Variants in CDH18 observed in about 807,000 individuals in gnomAD.
CDH18 encodes cadherin-18.
A neutral mutation model predicts 67.9 loss-of-function variants in CDH18; 31 were observed. That is an observed-to-expected ratio of 0.46 (90% confidence interval 0.34 to 0.62). The LOEUF is 0.62. Ranked by LOEUF, CDH18 falls within the 20% of genes least tolerant of loss-of-function variation. CDH18 has a pLI of 0.01. For missense variants in CDH18, 890 were observed against 975.5 expected, an observed-to-expected ratio of 0.91 and a Z score of 1.17; for synonymous variants, 362 against 347.2, an observed-to-expected ratio of 1.04 and a Z score of -0.48.
chr5:20,316,230 G>A (rs574321179), intron 1 of CDH18, among the ~76,000 whole-genome samples: 45 of 152,158 alleles, frequency 3.0e-4, no homozygotes, highest in African/African-American at 1.0e-3. Flanking sequence ...AATATTGTAT[G>A]ATTGTGATGT....
intron 1 of CDH18, among the ~76,000 whole-genome samples, chr5:20,406,430 T>G: frequency 1.4e-5 from 2 of 142,886 alleles, no homozygotes; most frequent in African/African-American, 2.7e-5. Flanking sequence ...CCGGGGCCTG[T>G]TGTGGGGGAG....
intron 12 of CDH18, among the ~76,000 whole-genome samples, chr5:19,475,267 T>C (rs1183775186): frequency 6.8e-6 from 1 of 147,698 alleles, no homozygotes; most frequent in African/African-American, 2.5e-5. Context: ...CCATTTGAAG[T>C]TGAAAATATC....
intron 5 of CDH18, among the ~76,000 whole-genome samples, chr5:19,623,982 CATTATTATT>C (rs70950078): frequency 3.6e-3 from 502 of 139,822 alleles, no homozygotes; most frequent in Middle Eastern, 0.011. Flanking sequence ...TGTCACACTC[CATTATTATT>C]ATTATTATTA....
intron 3 of CDH18, among the ~76,000 whole-genome samples, chr5:19,764,083 C>G (rs1009506366): frequency 6.8e-6 from 1 of 146,366 alleles, no homozygotes; most frequent in Admixed American, 6.9e-5. Flanking sequence ...CAGGAGAAAT[C>G]GCTTGAACCC....
At chr5:20,021,266 C>T (rs1168891597) in intron 2 of CDH18, among the ~76,000 whole-genome samples, 1 of 152,012 alleles carries the variant, frequency 6.6e-6, no homozygotes, top group Non-Finnish European at 1.5e-5. Context: ...CTTGTCTTAT[C>T]TTGAATGGGA....
chr5:19,919,636 T>C lies in CDH18; in HGVS notation c.-257+61424A>G, dbSNP rs531930293. ...AAATAAATTATAAGGGTAGTAGATA[T>C]GGAATTTGTCTTTCTAGTAGAGGAC... On this transcript the variant is annotated intron_variant, in intron 2 of 12. Transcript: ENST00000382275. Among the ~76,000 whole-genome samples, 44 of 152,356 alleles carry C rather than the reference T, an allele frequency of 2.9e-4. 1 individual carries two copies. The South Asian group carries it at 8.9e-3, about 31-fold the overall frequency.
intron 2 of CDH18, among the ~76,000 whole-genome samples, chr5:20,154,797 T>C (rs1751394172): frequency 6.6e-6 from 1 of 152,218 alleles, no homozygotes; most frequent in Non-Finnish European, 1.5e-5. Flanking sequence ...CTAACTGTGC[T>C]CTTCAAGTCC....
chr5:19,989,894 G>A (rs989984056), upstream of CDH18, among the ~76,000 whole-genome samples: 1 of 152,130 alleles, frequency 6.6e-6, no homozygotes, highest in African/African-American at 2.4e-5. Flanking sequence ...TAAGGAAGAT[G>A]TTAGAAGTCA....
intron 1 of CDH18, among the ~76,000 whole-genome samples, chr5:20,522,320 G>A (rs940528047): frequency 3.3e-5 from 5 of 152,158 alleles, no homozygotes; most frequent in African/African-American, 7.2e-5. Context: ...AATACAGAAT[G>A]TAAGCCATTT....
intron 1 of CDH18, among the ~76,000 whole-genome samples, chr5:20,436,214 T>A (rs1749154590): frequency 6.6e-6 from 1 of 152,034 alleles, no homozygotes; most frequent in South Asian, 2.1e-4. Flanking sequence ...GATAATGAAG[T>A]AACATTTCAA....
intron 5 of CDH18, among the ~76,000 whole-genome samples, chr5:19,632,070 A>G (rs562392867): frequency 6.6e-6 from 1 of 152,348 alleles, no homozygotes; most frequent in South Asian, 2.1e-4. Flanking sequence ...ATGTGACATT[A>G]CATTAGTCAG....
chr5:19,782,816 ACT>A (rs1358113693), intron 3 of CDH18, among the ~76,000 whole-genome samples: 1 of 152,014 alleles, frequency 6.6e-6, no homozygotes, highest in Non-Finnish European at 1.5e-5. Context: ...TTTGATAAAA[ACT>A]CTGCATGGAG....
chr5:19,870,417 T>G (rs1786124880), intron 2 of CDH18, among the ~76,000 whole-genome samples: 1 of 152,126 alleles, frequency 6.6e-6, no homozygotes, highest in African/African-American at 2.4e-5. Context: ...TTACATTAAT[T>G]TTTTCACCAT....
chr5:19,870,878 T>G (rs1445868252), intron 2 of CDH18, among the ~76,000 whole-genome samples: 1 of 152,188 alleles, frequency 6.6e-6, no homozygotes, highest in Non-Finnish European at 1.5e-5. Context: ...TGGCCTTCAT[T>G]GTGAATTCAG....
At chr5:20,512,990 A>T (rs1272068943) in intron 1 of CDH18, among the ~76,000 whole-genome samples, 1 of 152,026 alleles carries the variant, frequency 6.6e-6, no homozygotes, top group East Asian at 1.9e-4. Flanking sequence ...TTTCTCCTTC[A>T]AAATTCACCG....
At chr5:20,246,464 T>C (rs1234063856) in intron 2 of CDH18, among the ~76,000 whole-genome samples, 1 of 152,186 alleles carries the variant, frequency 6.6e-6, no homozygotes, top group Admixed American at 6.5e-5. Flanking sequence ...TAATCAAAGG[T>C]ATAAAACTCT....
At chr5:20,532,980 C>G (rs996656356) in intron 1 of CDH18, among the ~76,000 whole-genome samples, 12 of 151,890 alleles carry the variant, frequency 7.9e-5, no homozygotes, top group Non-Finnish European at 2.9e-5. Context: ...TCCTCTCCCC[C>G]AGGGCTTCAG....
At chr5:19,721,732 C>T (rs1015121880) in intron 4 of CDH18, among the ~76,000 whole-genome samples, 4 of 152,096 alleles carry the variant, frequency 2.6e-5, no homozygotes, top group African/African-American at 9.7e-5. Context: ...ATGATGGTCT[C>T]TTTTGATTTT....
chr5:20,568,768 C>T (rs767830401), intron 1 of CDH18, among the ~76,000 whole-genome samples: 15 of 152,238 alleles, frequency 9.9e-5, no homozygotes, highest in East Asian at 1.9e-4. Flanking sequence ...ATTTATGCTT[C>T]GTACACTCAT....
Sources: gnomAD v4.1 joint callset for allele counts (sites outside exome capture counted in the v4.1 genomes callset) on GRCh38, gnomAD v4.1.1 for gene constraint, MANE v1.5 for transcripts, NCBI Gene and HGNC (gene_info 2026-07-23, HGNC 2026-07-21) for gene names.